The following FLRT1 variants were observed in gnomAD, a reference collection of about 807,000 sequenced individuals.
FLRT1 encodes fibronectin leucine rich transmembrane protein 1, also known as leucine-rich repeat transmembrane protein FLRT1.
Under a neutral mutation model 30.9 loss-of-function variants are expected in FLRT1, and 14 were observed. The ratio of observed to expected loss-of-function variants is 0.45; its 90% CI spans 0.30 to 0.71. The LOEUF (loss-of-function observed/expected upper bound fraction) is 0.71. Among genes scored for constraint, FLRT1 ranks in the 30% least tolerant of loss-of-function variants. FLRT1 has a pLI of 0.08. For missense variants in FLRT1, 737 were observed against 949.2 expected (o/e 0.78, Z 2.94); for synonymous variants, 368 against 430.4 (o/e 0.85, Z 1.80).
intron 1 of FLRT1, among the ~76,000 whole-genome samples, chr11:64,097,802 C>T (rs574329988): frequency 3.7e-4 from 56 of 152,308 alleles, no homozygotes; most frequent in African/African-American, 1.3e-3. Context: ...CCTCCAGAGG[C>T]CTTCCTGCTC....
At chr11:64,061,072 C>G (rs184659506) in intron 1 of FLRT1, among the ~76,000 whole-genome samples, 14 of 152,286 alleles carry the variant, frequency 9.2e-5, no homozygotes, top group African/African-American at 2.4e-4. Flanking sequence ...GCGTCCCCCC[C>G]ACTCCCAACC....
rs911364904 is a variant in FLRT1, at chr11:64,090,281, G to A, written c.-1037-12913G>A. ...CTCATCCTCGGGAAATGCATCGTGC[G>A]TTGCTTTTCCCGTCTGGGAGTCTAA... On this transcript the variant is annotated intron_variant, in intron 1 of 2. Transcript: ENST00000682287. This position sits in a 1 kb window ranked among gnomAD's most constrained non-coding sequence, Gnocchi z 4.7. Among the ~76,000 whole-genome samples the A allele has an allele frequency of 3.9e-5, 6 of 152,178 alleles. No homozygotes were observed. The highest frequency in any genetic ancestry group is 1.2e-4 in the African/African-American group (5 of 41,440).
intron 1 of FLRT1, among the ~76,000 whole-genome samples, chr11:64,060,932 C>T (rs987859323): frequency 1.3e-5 from 2 of 151,808 alleles, no homozygotes; most frequent in African/African-American, 2.4e-5. Context: ...GGCGGGCATG[C>T]GCACCGCGGC....
chr11:64,060,976 G>T (rs1298309588), intron 1 of FLRT1, among the ~76,000 whole-genome samples: 2 of 151,858 alleles, frequency 1.3e-5, no homozygotes, highest in Admixed American at 6.6e-5. Context: ...GCCGCCAGGC[G>T]ACCGGGCGGG....
At chr11:64,050,479 G>A (rs1173060421) in intron 1 of FLRT1, among the ~76,000 whole-genome samples, 1 of 152,210 alleles carries the variant, frequency 6.6e-6, no homozygotes, top group Non-Finnish European at 1.5e-5. Flanking sequence ...CCCCTTCCTG[G>A]CTGTGTGGCC....
chr11:64,087,985 G>A (rs1055656829), intron 1 of FLRT1, among the ~76,000 whole-genome samples: 6 of 152,320 alleles, frequency 3.9e-5, no homozygotes, highest in Admixed American at 3.9e-4. Context: ...AGAGCTGGGA[G>A]GGCCTCGAGA....
chr11:64,114,844 G>A (rs2134609794), intron 2 of FLRT1, among the ~76,000 whole-genome samples: 1 of 152,290 alleles, frequency 6.6e-6, no homozygotes, highest in South Asian at 2.1e-4. Flanking sequence ...CTTTATCTGG[G>A]GCCTCAGGAA....
chr11:64,110,044 T>C (rs1249987729), intron 2 of FLRT1, among the ~76,000 whole-genome samples: 2 of 152,118 alleles, frequency 1.3e-5, no homozygotes, highest in Non-Finnish European at 2.9e-5. Context: ...ACTCTGCACA[T>C]ATAATGTCAG....
chr11:64,076,180 C>T (rs770758778), intron 1 of FLRT1, among the ~76,000 whole-genome samples: 6 of 152,242 alleles, frequency 3.9e-5, no homozygotes, highest in Non-Finnish European at 5.9e-5. Flanking sequence ...ACACATCACC[C>T]TTCCCTTGCT....
chr11:64,078,106 C>T (rs1944237033), intron 1 of FLRT1, among the ~76,000 whole-genome samples: 3 of 152,188 alleles, frequency 2.0e-5, no homozygotes, highest in Admixed American at 1.3e-4. Context: ...GCGCACCTGC[C>T]GGCTTGGGGC....
intron 1 of FLRT1, among the ~76,000 whole-genome samples, chr11:64,097,509 G>A (rs901966711): frequency 2.6e-5 from 4 of 152,236 alleles, no homozygotes; most frequent in Non-Finnish European, 5.9e-5. Context: ...GAGGGTGGGC[G>A]CTGGCAAAGG....
At chr11:64,069,348 T>C (rs1944063692) in intron 1 of FLRT1, among the ~76,000 whole-genome samples, 1 of 152,168 alleles carries the variant, frequency 6.6e-6, no homozygotes, top group Admixed American at 6.5e-5. Context: ...CACAGGAGGC[T>C]GCCAGAGGAT....
rs1488456119 is a variant in FLRT1 at position 64,067,934 on chromosome 11, C to G, written c.-1038+31775C>G. On this transcript the variant is annotated intron_variant, in intron 1 of 2. Transcript: ENST00000682287. This position sits in a 1 kb window ranked among gnomAD's most constrained non-coding sequence, Gnocchi z 4.6. ...AGGAGGGGGCTGGCGGTGAACCCAT[C>G]CCCGTTACAATGCACTCAGGGACCC... 6.6e-6 allele frequency among the ~76,000 whole-genome samples: 1 copy of G among 152,144 alleles called. No individual in the cohort carries two copies. Among genetic ancestry groups the G allele is most frequent in the Admixed American group, 6.5e-5 (1 of 15,282 alleles).
intron 1 of FLRT1, among the ~76,000 whole-genome samples, chr11:64,056,177 G>T (rs774589452): frequency 6.6e-5 from 10 of 152,164 alleles, no homozygotes; most frequent in Non-Finnish European, 1.5e-4. Context: ...TTTGGGCTGT[G>T]CAGGCAAAAA....
chr11:64,058,410 G>A (rs1433279852), intron 1 of FLRT1, among the ~76,000 whole-genome samples: 1 of 152,258 alleles, frequency 6.6e-6, no homozygotes, highest in African/African-American at 2.4e-5. Context: ...GCTTGGGGGG[G>A]GGTCCTCCCC....
intron 2 of FLRT1, among the ~76,000 whole-genome samples, chr11:64,113,498 T>C (rs1272027996): frequency 1.7e-5 from 2 of 117,010 alleles, no homozygotes; most frequent in African/African-American, 3.4e-5. Context: ...GGATGGATGG[T>C]TGGATGGATG....
At chr11:64,074,845 T>G (rs1393165291) in intron 1 of FLRT1, among the ~76,000 whole-genome samples, 1 of 152,180 alleles carries the variant, frequency 6.6e-6, no homozygotes, top group African/African-American at 2.4e-5. Flanking sequence ...GCCTGCCTGG[T>G]GAGCTCTGAC....
Position 64,090,755 on chromosome 11 carries a change from G to GGGGGCGGGGTGGAAT in FLRT1, c.-1037-12435_-1037-12434insCGGGGTGGAATGGGG, listed in dbSNP as rs1944475050. Reference sequence around the variant, plus strand: ...TCTCCACCACATCCCAAGACTAAAAGGGGGGCGGGGTGGCGGCGTCTCTCC... The same window carrying GGGGGCGGGGTGGAAT: ...TCTCCACCACATCCCAAGACTAAAAGGGGGCGGGGTGGAATGGGGGCGGGGTGGCGGCGTCTCTCC... On this transcript the variant is annotated intron_variant, in intron 1 of 2. Transcript: ENST00000682287. The surrounding 1 kb of genome is among the most constrained non-coding windows in gnomAD (Gnocchi z 4.7). Among the ~76,000 whole-genome samples, 1 of 151,398 alleles carries GGGGGCGGGGTGGAAT rather than the reference G, an allele frequency of 6.6e-6. No individual in the cohort carries two copies. Among genetic ancestry groups the GGGGGCGGGGTGGAAT allele is most frequent in the African/African-American group, 2.4e-5 (1 of 41,170 alleles).
chr11:64,085,788 A>G (rs948132111), intron 1 of FLRT1, among the ~76,000 whole-genome samples: 1 of 152,190 alleles, frequency 6.6e-6, no homozygotes, highest in Non-Finnish European at 1.5e-5. Context: ...CTCAGGCCTC[A>G]GTTTCCTCAG....
Sources: allele counts gnomAD v4.1 joint callset (sites outside exome capture counted in the v4.1 genomes callset), GRCh38; gene constraint gnomAD v4.1.1; non-coding constraint Gnocchi (gnomAD v3.1); transcripts MANE v1.5; gene names NCBI Gene and HGNC (gene_info 2026-07-23, HGNC 2026-07-21).